MGARP: variants seen among roughly 807,000 people sequenced by gnomAD.
MGARP encodes the protein mitochondria localized glutamic acid rich protein, also known as protein MGARP.
Under a neutral mutation model 11.0 loss-of-function variants are expected in MGARP, and 12 were observed. The ratio of observed to expected loss-of-function variants is 1.09; its 90% CI spans 0.70 to 1.77. The LOEUF is 1.77. Ranked by LOEUF, MGARP falls within the 40% of genes most tolerant of loss-of-function variation. The probability of loss-of-function intolerance (pLI) is 0.00; values close to 1 mark genes in which losing one functional copy is unlikely to be tolerated. For missense variants in MGARP, 283 were observed against 297.8 expected, an observed-to-expected ratio of 0.95 and a Z score of 0.36; for synonymous variants, 110 against 115.4, an observed-to-expected ratio of 0.95 and a Z score of 0.30.
intron 2 of MGARP, among the ~76,000 whole-genome samples, chr4:139,274,115 C>T (rs1353332108): frequency 6.6e-6 from 1 of 151,834 alleles, no homozygotes; most frequent in Non-Finnish European, 1.5e-5. Context: ...ATTATGGAGA[C>T]AGTAAAAAGA....
rs759890458 is a variant in MGARP at position 139,266,620 on chromosome 4, C to T, written c.702G>A (p.Glu234=). The T allele has an allele frequency of 3.1e-6, 5 of 1,613,584 alleles. No homozygotes were observed. Among genetic ancestry groups the T allele is most frequent in the Non-Finnish European group, 4.2e-6 (5 of 1,179,838 alleles). Residue 234 remains glutamate (E), a synonymous_variant, in exon 4 of 4, where the codon GAG becomes GAA. Transcript: ENST00000398955. ...GAGATTAGCCTTGAGCCGAAGCAGCCTCAGAGCCAACACTGGCTTCCTCCT... is the reference window on the plus strand; with the variant it reads ...GAGATTAGCCTTGAGCCGAAGCAGCTTCAGAGCCAACACTGGCTTCCTCCT... ...DLQEEASVGS[E]AASAQG
chr4:139,266,328 G>GTGTC lies in MGARP; in HGVS notation c.*267_*270dup, dbSNP rs566330680. The GTGTC allele has an allele frequency of 3.9e-3, 1,298 of 332,318 alleles. 18 individuals are homozygous for GTGTC. Among genetic ancestry groups the GTGTC allele is most frequent in the South Asian group, 0.028 (416 of 14,940 alleles). 20.6% of individuals were successfully genotyped at this position (332,318 alleles called of 1,614,324 possible). On this transcript the variant is annotated 3_prime_UTR_variant, in exon 4 of 4. Coordinates refer to ENST00000398955, the MANE Select transcript of MGARP (RefSeq NM_032623.4). ...CAGAGATGACTGGGATAAAAGAAAA[G>GTGTC]TGTCTAGAAAAAAAAACCAAAGATG...
chr4:139,279,887 T>G (rs1744930493), intron 1 of MGARP, among the ~76,000 whole-genome samples, 190 bp downstream of exon 1: 1 of 152,196 alleles, frequency 6.6e-6, no homozygotes, highest in Non-Finnish European at 1.5e-5. Context: ...AAAAGTTCCC[T>G]ACTTCCAAAG....
At position 139,266,715 on chromosome 4, in the gene MGARP, C is replaced by G. The variant is rs375936818; in HGVS notation, c.607G>C (p.Asp203His). 4 of 1,614,014 alleles carry G rather than the reference C, an allele frequency of 2.5e-6. No individual in the cohort carries two copies. In the African/African-American group the frequency reaches 4.0e-5, roughly 16 times the overall value. Residue 203 changes from aspartate (D) to histidine (H), a missense_variant, in exon 4 of 4, where the codon GAT becomes CAT. Coordinates refer to ENST00000398955, the MANE Select transcript of MGARP (RefSeq NM_032623.4). ...DKDTTKNETS[D>H]EYAELEEENS... ...TCTTCTTCTAGTTCAGCATATTCATCAGAGGTTTCGTTCTTTGTTGTATCT... is the reference window on the plus strand; with the variant it reads ...TCTTCTTCTAGTTCAGCATATTCATGAGAGGTTTCGTTCTTTGTTGTATCT...
intron 2 of MGARP, among the ~76,000 whole-genome samples, chr4:139,274,472 A>G (rs1045968483): frequency 1.3e-5 from 2 of 151,970 alleles, no homozygotes; most frequent in African/African-American, 4.8e-5. Flanking sequence ...TTTTTTTAAT[A>G]GTTATATTAA....
At chr4:139,270,446 A>G (rs1744761900) in intron 2 of MGARP, among the ~76,000 whole-genome samples, 1 of 150,562 alleles carries the variant, frequency 6.6e-6, no homozygotes, top group Admixed American at 6.6e-5. Context: ...CATCTCTACA[A>G]AAAGTACAAA....
chr4:139,274,305 A>G lies in MGARP; in HGVS notation c.186+984T>C, dbSNP rs541773607. Among the ~76,000 whole-genome samples the G allele has an allele frequency of 4.6e-5, 7 of 152,190 alleles. No homozygotes were observed. The South Asian group carries it at 1.2e-3, about 27-fold the overall frequency. Reference sequence around the variant, plus strand: ...CCTGGACTTTAGTTAATAATAATATATCAATATTGGCTTGTCAGTTTTAAC... The same window carrying G: ...CCTGGACTTTAGTTAATAATAATATGTCAATATTGGCTTGTCAGTTTTAAC... On this transcript the variant is annotated intron_variant, in intron 2 of 3. Coordinates refer to ENST00000398955, the MANE Select transcript of MGARP (RefSeq NM_032623.4).
Position 139,266,694 on chromosome 4 carries a change from C to T in MGARP, c.628G>A (p.Glu210Lys). 2 of 1,614,136 alleles carry T rather than the reference C, an allele frequency of 1.2e-6. No homozygotes were observed. The highest frequency in any genetic ancestry group is 8.5e-7 in the Non-Finnish European group (1 of 1,180,008). ...TCTGACTCAGCTGGAGAATTTTCTT[C>T]TTCTAGTTCAGCATATTCATCAGAG... ...ETSDEYAELE[E>K]ENSPAESESS... The change falls in exon 4 of 4, where the codon GAA becomes AAA. Residue 210 changes from glutamate to lysine, a missense_variant. Physicochemically the swap from Glu to Lys is moderately conservative, Grantham distance 56. Transcript: ENST00000398955.
intron 2 of MGARP, among the ~76,000 whole-genome samples, chr4:139,271,918 T>G (rs369539710): frequency 6.6e-6 from 1 of 152,234 alleles, no homozygotes; most frequent in African/African-American, 2.4e-5. Context: ...AGATTCCTTT[T>G]GCAACCAGTG....
chr4:139,278,582 G>A (rs550263352), intron 1 of MGARP, among the ~76,000 whole-genome samples: 4 of 152,204 alleles, frequency 2.6e-5, no homozygotes, highest in Middle Eastern at 3.4e-3. Flanking sequence ...AAAAAGGTGC[G>A]CGTGTGTGTG....
At chr4:139,278,495 G>A (rs925226692) in intron 1 of MGARP, among the ~76,000 whole-genome samples, 16 of 152,108 alleles carry the variant, frequency 1.1e-4, no homozygotes, top group Non-Finnish European at 2.1e-4. Flanking sequence ...TGCTAGATAC[G>A]TATTTAAAAT....
Position 139,266,904 on chromosome 4 carries a change from G to A in MGARP, c.418C>T (p.Pro140Ser), listed in dbSNP as rs1484608406. 2 of 1,614,150 alleles carry A rather than the reference G, an allele frequency of 1.2e-6. No individual in the cohort carries two copies. Among genetic ancestry groups the A allele is most frequent in the Non-Finnish European group, 1.7e-6 (2 of 1,180,038 alleles). The change falls in exon 4 of 4, where the codon CCA (proline) becomes TCA (serine). Residue 140 changes from proline to serine, a missense_variant. Pro to Ser is a moderately conservative substitution (Grantham distance 74). Coordinates refer to ENST00000398955, the MANE Select transcript of MGARP (RefSeq NM_032623.4). ...TCCGGAGCAGCCTCCACGTGACCTG[G>A]ACAGGCAGATGCCTCTTTTATGACC... Reference protein sequence around the residue: ...VVVIKEASACPGHVEAAPETT... With the variant: ...VVVIKEASACSGHVEAAPETT...
chr4:139,270,002 G>C (rs1388919008), intron 2 of MGARP, among the ~76,000 whole-genome samples: 1 of 152,024 alleles, frequency 6.6e-6, no homozygotes, highest in Non-Finnish European at 1.5e-5. Context: ...TGTGAAAATA[G>C]AATGTCTGTA....
intron 1 of MGARP, among the ~76,000 whole-genome samples, chr4:139,279,387 G>A (rs551548447): frequency 6.6e-6 from 1 of 152,286 alleles, no homozygotes; most frequent in South Asian, 2.1e-4. Flanking sequence ...AGAACCAAAG[G>A]TGTCGATATT....
At position 139,280,130 on chromosome 4, in the gene MGARP, G is replaced by A; in HGVS notation, c.29C>T (p.Thr10Ile). The A allele has an allele frequency of 6.2e-7, 1 of 1,611,710 alleles. No individual in the cohort carries two copies. Among genetic ancestry groups the A allele is most frequent in the African/African-American group, 1.3e-5 (1 of 75,022 alleles). The change falls in exon 1 of 4, where the codon ACT becomes ATT. Residue 10 changes from threonine to isoleucine, a missense_variant. Thr to Ile is a moderately conservative substitution (Grantham distance 89). Coordinates refer to ENST00000398955, the MANE Select transcript of MGARP (RefSeq NM_032623.4). MYLRRAVSK[T>I]LALPLRAPPN... is the part of the protein sequence containing the mutation. Reference sequence around the variant, plus strand: ...GGGCGCCCTCAGCGGCAGCGCCAGAGTCTTGGAGACCGCCCTGCGGAGATA... The same window carrying A: ...GGGCGCCCTCAGCGGCAGCGCCAGAATCTTGGAGACCGCCCTGCGGAGATA...
chr4:139,270,648 C>T (rs1398920029), intron 2 of MGARP, among the ~76,000 whole-genome samples: 1 of 148,922 alleles, frequency 6.7e-6, no homozygotes, highest in East Asian at 2.0e-4. Flanking sequence ...TCTATAATGT[C>T]GGGTAGAAGT....
At chr4:139,279,937 C>A (rs951194326) in intron 1 of MGARP, 140 bp downstream of exon 1, 3 of 856,968 alleles carry the variant, frequency 3.5e-6, no homozygotes, top group Admixed American at 4.5e-5. Context: ...GAGTCTCCCC[C>A]AGTCTCCTCG....
intron 1 of MGARP, 102 bp downstream of exon 1, chr4:139,279,974 TG>T (rs1333437970): frequency 1.7e-6 from 2 of 1,190,820 alleles, no homozygotes; most frequent in Non-Finnish European, 2.4e-6. Context: ...TCTGCTGCTC[TG>T]GGTCGGGTTT....
At chr4:139,268,548 AGAGTCATTCTG>A in intron 3 of MGARP, 113 bp downstream of exon 3, 2 of 619,032 alleles carry the variant, frequency 3.2e-6, no homozygotes, top group Non-Finnish European at 5.4e-6. Context: ...ACTTATACCT[AGAGTCATTCTG>A]GATTAAGCTA....
Sources: gnomAD v4.1 joint callset for allele counts (sites outside exome capture counted in the v4.1 genomes callset) on GRCh38, gnomAD v4.1.1 for gene constraint, MANE v1.5 for transcripts, NCBI Gene and HGNC (gene_info 2026-07-23, HGNC 2026-07-21) for gene names.